Variants in INPP4B observed in about 807,000 individuals in gnomAD.
The protein encoded by INPP4B is inositol polyphosphate-4-phosphatase type II B, also known as inositol polyphosphate 4-phosphatase type II.
Under a neutral mutation model 122.5 loss-of-function variants are expected in INPP4B, and 55 were observed. That is an observed-to-expected ratio of 0.45 (90% CI 0.36 to 0.56). INPP4B has a LOEUF of 0.56. Ranked by LOEUF, INPP4B falls within the 20% of genes least tolerant of loss-of-function variation. The probability of loss-of-function intolerance (pLI) is 0.00; values close to 1 mark genes in which losing one functional copy is unlikely to be tolerated. For synonymous variants in INPP4B, 403 were observed against 388.7 expected (o/e 1.04, Z -0.43); for missense variants, 1,000 against 1,097.7 (o/e 0.91, Z 1.26).
intron 7 of INPP4B, among the ~76,000 whole-genome samples, chr4:142,364,149 T>C (rs988013651): frequency 6.6e-6 from 1 of 151,980 alleles, no homozygotes; most frequent in East Asian, 1.9e-4. Context: ...CAATAGGACT[T>C]CTCCTTTTGC....
Position 142,382,622 on chromosome 4 carries a change from T to C in INPP4B, c.372+20316A>G, listed in dbSNP as rs973826088. Among the ~76,000 whole-genome samples, 8 of 115,770 alleles carry C rather than the reference T, an allele frequency of 6.9e-5. No homozygotes were observed. In the South Asian group the frequency reaches 1.8e-3, roughly 26 times the overall value. 75.9% of individuals were successfully genotyped at this position (115,770 alleles called of 152,430 possible). ...TATATATATTTATATATTATATATA[T>C]ACTATAAATATATACATTTATATAT... On this transcript the variant is annotated intron_variant, in intron 7 of 25. Transcript: ENST00000262992.
At chr4:142,455,601 G>GTTGTTAT (rs1427596097) in intron 3 of INPP4B, among the ~76,000 whole-genome samples, 3 of 152,054 alleles carry the variant, frequency 2.0e-5, no homozygotes, top group African/African-American at 7.2e-5. Flanking sequence ...ATTGTGAACA[G>GTTGTTAT]TGCTATAACA....
intron 2 of INPP4B, among the ~76,000 whole-genome samples, chr4:142,640,876 T>C (rs180918014): frequency 6.6e-6 from 1 of 152,170 alleles, no homozygotes; most frequent in Non-Finnish European, 1.5e-5. Context: ...AATGAGATAC[T>C]GCTAGACACT....
intron 18 of INPP4B, among the ~76,000 whole-genome samples, chr4:142,126,636 T>TGA (rs1163600397): frequency 6.6e-6 from 1 of 152,156 alleles, no homozygotes; most frequent in Admixed American, 6.6e-5. Context: ...CAGAGCCCTA[T>TGA]TAATGCATGA....
intron 2 of INPP4B, among the ~76,000 whole-genome samples, chr4:142,680,708 T>A (rs1319198714): frequency 1.3e-5 from 2 of 151,928 alleles, no homozygotes; most frequent in Non-Finnish European, 2.9e-5. Context: ...AATACAGTTC[T>A]ACAGTTAGGC....
At chr4:142,071,921 CAG>C (rs1224156587) in intron 25 of INPP4B, among the ~76,000 whole-genome samples, 6 of 152,180 alleles carry the variant, frequency 3.9e-5, no homozygotes, top group African/African-American at 1.4e-4. Flanking sequence ...TTGTGGAAGA[CAG>C]TGTGGTGATT....
chr4:142,804,241 T>C (rs1778393732), intron 1 of INPP4B, among the ~76,000 whole-genome samples: 1 of 152,168 alleles, frequency 6.6e-6, no homozygotes, highest in African/African-American at 2.4e-5. Context: ...ACTTTTCTAC[T>C]CTAAACCTGC....
chr4:142,084,362 G>A (rs1039097933), intron 24 of INPP4B, among the ~76,000 whole-genome samples: 10 of 152,040 alleles, frequency 6.6e-5, no homozygotes, highest in South Asian at 6.2e-4. Flanking sequence ...CTCGTGATCC[G>A]CCCGCCTCGG....
chr4:142,415,001 G>A (rs1160559149), intron 5 of INPP4B, among the ~76,000 whole-genome samples: 1 of 152,194 alleles, frequency 6.6e-6, no homozygotes, highest in Non-Finnish European at 1.5e-5. Context: ...ATGGAAATCT[G>A]TAGTGTTAGG....
At chr4:142,298,219 A>G (rs1759675365) in intron 9 of INPP4B, among the ~76,000 whole-genome samples, 1 of 152,238 alleles carries the variant, frequency 6.6e-6, no homozygotes. Flanking sequence ...AACTCCACAA[A>G]GAAGAGTTGG....
chr4:142,249,026 G>A (rs1579442903), intron 11 of INPP4B, among the ~76,000 whole-genome samples: 1 of 151,692 alleles, frequency 6.6e-6, no homozygotes, highest in Non-Finnish European at 1.5e-5. Flanking sequence ...AATAGTAGGT[G>A]GTTTAACCCT....
At chr4:142,401,448 C>G (rs1030640433) in intron 7 of INPP4B, among the ~76,000 whole-genome samples, 8 of 152,096 alleles carry the variant, frequency 5.3e-5, no homozygotes, top group African/African-American at 1.9e-4. Flanking sequence ...AAATTTTTAC[C>G]TTTTTTGTTC....
At chr4:142,725,440 G>A (rs1273234506) in intron 2 of INPP4B, among the ~76,000 whole-genome samples, 3 of 151,740 alleles carry the variant, frequency 2.0e-5, no homozygotes, top group African/African-American at 7.3e-5. Context: ...TCTGACTAAC[G>A]CCAAATAAAG....
In INPP4B at chr4:142,586,915, C is replaced by A. The variant is rs1260785913; in HGVS notation, c.-190-124189G>T. ...ACAAAAGCCTGAAAGTCAAGGAGGG[C>A]AGTGCTTGTTAGTAAGACTACAAAT... On this transcript the variant is annotated intron_variant, in intron 2 of 25. Transcript: ENST00000262992. Among the ~76,000 whole-genome samples the A allele has an allele frequency of 3.3e-4, 50 of 152,136 alleles. 1 individual carries two copies. Among genetic ancestry groups the A allele is most frequent in the Non-Finnish European group, 1.5e-4 (10 of 68,000 alleles).
intron 2 of INPP4B, among the ~76,000 whole-genome samples, chr4:142,467,070 C>T (rs950280610): frequency 6.6e-6 from 1 of 152,154 alleles, no homozygotes; most frequent in Non-Finnish European, 1.5e-5. Context: ...CAGTGCAGAA[C>T]CCTAACAGAG....
chr4:142,654,391 A>G (rs1389142786), intron 2 of INPP4B: 1 of 148,506 alleles, frequency 6.7e-6, no homozygotes, highest in Non-Finnish European at 1.5e-5. Context: ...AAAAAAAAAC[A>G]TAAAATGAGT....
At chr4:142,601,628 T>C (rs1161867225) in intron 2 of INPP4B, among the ~76,000 whole-genome samples, 1 of 145,330 alleles carries the variant, frequency 6.9e-6, no homozygotes, top group African/African-American at 2.5e-5. Flanking sequence ...TACAACCTAA[T>C]GATGCACCTC....
At chr4:142,032,432 A>G (rs766476002) in intron 25 of INPP4B, among the ~76,000 whole-genome samples, 5 of 152,164 alleles carry the variant, frequency 3.3e-5, no homozygotes, top group Non-Finnish European at 5.9e-5. Flanking sequence ...AATTTCCCCT[A>G]TAAGAACCCC....
At position 142,685,472 on chromosome 4, in the gene INPP4B, T is replaced by G. The variant is rs1336220951; in HGVS notation, c.-191+40367A>C. On this transcript the variant is annotated intron_variant, in intron 2 of 25. Transcript: ENST00000262992. ...CGAATTTCACAGTATAGTTTTTTGA[T>G]ATGGTCTACTTTACTTCTGCTGAAA... Among the ~76,000 whole-genome samples, 3 of 152,146 alleles carry G rather than the reference T, an allele frequency of 2.0e-5. No homozygotes were observed. In the East Asian group the frequency reaches 5.8e-4, roughly 29 times the overall value.
Sources: allele counts gnomAD v4.1 joint callset (sites outside exome capture counted in the v4.1 genomes callset), GRCh38; gene constraint gnomAD v4.1.1; transcripts MANE v1.5; gene names NCBI Gene and HGNC (gene_info 2026-07-23, HGNC 2026-07-21).